The following PTN variants were observed in gnomAD, a reference collection of about 807,000 sequenced individuals.
PTN encodes the protein pleiotrophin, also known as heparin affin regulatory protein.
A neutral mutation model predicts 24.1 loss-of-function variants in PTN; 18 were observed. The observed-to-expected ratio is 0.75, with a 90% CI of 0.52 to 1.11. The LOEUF (loss-of-function observed/expected upper bound fraction) is 1.11, where lower values mean the gene tolerates loss of function less well. Among genes scored for constraint, PTN ranks in the 50% least tolerant of loss-of-function variants. PTN has a pLI of 0.00. For synonymous variants in PTN, 78 were observed against 68.6 expected (o/e 1.14, Z -0.67); for missense variants, 163 against 198.8 (o/e 0.82, Z 1.08).
chr7:137,239,795 G>A lies in PTN; in HGVS notation c.451+11435C>T, dbSNP rs373737060. Among the ~76,000 whole-genome samples, 17 of 152,220 alleles carry A rather than the reference G, an allele frequency of 1.1e-4. No homozygotes were observed. The East Asian group carries it at 2.9e-3, about 26-fold the overall frequency. On this transcript the variant is annotated intron_variant, in intron 4 of 4. Transcript: ENST00000348225. ...CAAAAGTGAATAAGTTGTAGTATAC[G>A]AAGAGTTTGCCTGTTAGGAGAGGGA...
intron 1 of PTN, among the ~76,000 whole-genome samples, chr7:137,267,818 G>T (rs970817271): frequency 6.6e-6 from 1 of 151,996 alleles, no homozygotes; most frequent in Admixed American, 6.6e-5. Flanking sequence ...ATCCAAGCCA[G>T]GTCAAAACCA....
intron 1 of PTN, among the ~76,000 whole-genome samples, chr7:137,306,865 G>A (rs1311544298): frequency 6.6e-6 from 1 of 151,954 alleles, no homozygotes; most frequent in Non-Finnish European, 1.5e-5. Context: ...AAATGTGGTG[G>A]GAAAATCACT....
intron 4 of PTN, among the ~76,000 whole-genome samples, chr7:137,249,663 A>C (rs1467066879): frequency 1.3e-5 from 2 of 152,126 alleles, no homozygotes; most frequent in African/African-American, 4.8e-5. Flanking sequence ...GAAATGTTTC[A>C]CTTGGTAGAT....
intron 4 of PTN, among the ~76,000 whole-genome samples, chr7:137,238,302 G>T (rs1460967845): frequency 6.6e-6 from 1 of 152,150 alleles, no homozygotes. Flanking sequence ...CATGAATCCA[G>T]GCCAGGGCCC....
At chr7:137,320,084 A>C (rs543740285) in intron 1 of PTN, among the ~76,000 whole-genome samples, 3 of 152,368 alleles carry the variant, frequency 2.0e-5, no homozygotes, top group Admixed American at 1.3e-4. Flanking sequence ...AGTTTGGAAG[A>C]CATAAATATA....
chr7:137,302,643 C>T (rs992798466), intron 1 of PTN, among the ~76,000 whole-genome samples: 6 of 151,920 alleles, frequency 3.9e-5, no homozygotes, highest in African/African-American at 1.4e-4. Context: ...CAGAAGTTGT[C>T]CAATATTGTT....
chr7:137,251,350 G>A lies in PTN; in HGVS notation c.331C>T (p.Leu111=). ...GTTCTGGTCTTCAGGGCTGTGTTCA[G>A]GTCACATTCTCCCCAGGCCTGGAAC... ...YQFQAWGECD[L]NTALKTRTGS... is the part of the protein sequence containing the mutation. Residue 111 remains leucine (L), a synonymous_variant, in exon 4 of 5, where the codon CTG becomes TTG. Transcript: ENST00000348225. 1 of 1,614,076 alleles carries A rather than the reference G, an allele frequency of 6.2e-7. No homozygotes were observed. The highest frequency in any genetic ancestry group is 8.5e-7 in the Non-Finnish European group (1 of 1,179,998).
rs564368547 is a variant in PTN at position 137,289,092 on chromosome 7, G to A, written c.-1-34118C>T. On this transcript the variant is annotated intron_variant, in intron 1 of 4. Transcript: ENST00000348225. Reference sequence around the variant, plus strand: ...GTAGTATTATTACCATTTACAGATCGAAAAGAGAATCAAAGAGGTTCAGCA... The same window carrying A: ...GTAGTATTATTACCATTTACAGATCAAAAAGAGAATCAAAGAGGTTCAGCA... Among the ~76,000 whole-genome samples, 84 of 152,238 alleles carry A rather than the reference G, an allele frequency of 5.5e-4. 1 individual carries two copies. The highest frequency in any genetic ancestry group is 6.8e-3 in the Middle Eastern group (2 of 294).
intron 1 of PTN, among the ~76,000 whole-genome samples, chr7:137,269,724 C>T (rs1320440138): frequency 6.7e-6 from 1 of 149,354 alleles, no homozygotes; most frequent in Non-Finnish European, 1.5e-5. Flanking sequence ...CCTCCACCTC[C>T]TGGGTTCAAG....
intron 4 of PTN, among the ~76,000 whole-genome samples, chr7:137,239,978 A>T (rs1255327043): frequency 8.5e-5 from 13 of 152,102 alleles, no homozygotes; most frequent in Non-Finnish European, 1.5e-4. Flanking sequence ...TTTGGCCTGA[A>T]GGACTTTGAA....
chr7:137,266,623 C>T (rs931531031), intron 1 of PTN, among the ~76,000 whole-genome samples: 1 of 151,162 alleles, frequency 6.6e-6, no homozygotes, highest in Non-Finnish European at 1.5e-5. Flanking sequence ...ATTCTGCCTC[C>T]CCTTTTTTTT....
At chr7:137,264,857 C>T (rs903524372) in intron 1 of PTN, among the ~76,000 whole-genome samples, 1 of 152,148 alleles carries the variant, frequency 6.6e-6, no homozygotes, top group Admixed American at 6.5e-5. Flanking sequence ...AGGGTCATTG[C>T]TGCCAGGGAC....
chr7:137,319,780 C>T (rs1338095764), intron 1 of PTN, among the ~76,000 whole-genome samples: 1 of 152,226 alleles, frequency 6.6e-6, no homozygotes. Flanking sequence ...CGGGTACCTG[C>T]ACTCCAGCTT....
chr7:137,311,713 C>T (rs933022138), intron 1 of PTN, among the ~76,000 whole-genome samples: 17 of 152,158 alleles, frequency 1.1e-4, no homozygotes, highest in African/African-American at 4.1e-4. Flanking sequence ...ACACACACAA[C>T]ATTTATCTAT....
chr7:137,301,419 A>C (rs1364195826), intron 1 of PTN, among the ~76,000 whole-genome samples: 3 of 151,984 alleles, frequency 2.0e-5, no homozygotes, highest in Non-Finnish European at 4.4e-5. Context: ...GACAACTATG[A>C]CAGGTGAACC....
At chr7:137,317,494 A>G (rs1023741461) in intron 1 of PTN, among the ~76,000 whole-genome samples, 2 of 152,188 alleles carry the variant, frequency 1.3e-5, no homozygotes, top group African/African-American at 2.4e-5. Context: ...TATACTTCAC[A>G]TCTCCTGACC....
chr7:137,282,630 A>G (rs555713481), intron 1 of PTN, among the ~76,000 whole-genome samples: 1 of 152,330 alleles, frequency 6.6e-6, no homozygotes, highest in East Asian at 1.9e-4. Flanking sequence ...AAATACCAAC[A>G]GTTGAATTAA....
At chr7:137,278,660 G>A (rs1343039023) in intron 1 of PTN, among the ~76,000 whole-genome samples, 1 of 152,020 alleles carries the variant, frequency 6.6e-6, no homozygotes, top group Non-Finnish European at 1.5e-5. Context: ...GATTAACTTG[G>A]CCGGGCAGGG....
Position 137,343,625 on chromosome 7 carries a change from G to C in PTN, c.-188C>G, listed in dbSNP as rs1318036321. The stretch of plus-strand genomic sequence containing the variant: ...CTCTCTCCACTTTGGATTTTCCTCT[G>C]CTCTGGGGCTCTCTTGGCGGGATTT... On this transcript the variant is annotated 5_prime_UTR_variant, in exon 1 of 5. Transcript: ENST00000348225. 1 of 518,834 alleles carries C rather than the reference G, an allele frequency of 1.9e-6. No homozygotes were observed. The highest frequency in any genetic ancestry group is 3.8e-6 in the Non-Finnish European group (1 of 259,838). The allele number at this position is 518,834 out of a possible 1,614,324, so 32.1% of individuals were successfully genotyped here. A position where few individuals can be genotyped will look rare whatever the true frequency, so the allele number is the denominator to read the frequency against.
Sources: allele counts gnomAD v4.1 joint callset (sites outside exome capture counted in the v4.1 genomes callset), GRCh38; gene constraint gnomAD v4.1.1; transcripts MANE v1.5; gene names NCBI Gene and HGNC (gene_info 2026-07-23, HGNC 2026-07-21).